The following EGF variants were observed in gnomAD, a reference collection of about 807,000 sequenced individuals.
EGF encodes the protein epidermal growth factor.
EGF carries 95 observed loss-of-function variants against 143.8 expected under a neutral mutation model. That is an observed-to-expected ratio of 0.66 (90% CI 0.56 to 0.78). The LOEUF is 0.78. Among genes scored for constraint, EGF ranks in the 30% least tolerant of loss-of-function variants. The pLI, the probability that EGF is intolerant of heterozygous loss-of-function variation, is 0.00. For missense variants in EGF, 1,320 were observed against 1,470.9 expected (o/e 0.90, Z 1.68); for synonymous variants, 510 against 510.5 (o/e 1.00, Z 0.01).
At position 109,943,450 on chromosome 4, in the gene EGF, A is replaced by C; in HGVS notation, c.509+15A>C. 1 of 1,608,446 alleles carries C rather than the reference A, an allele frequency of 6.2e-7. No homozygotes were observed. Among genetic ancestry groups the C allele is most frequent in the Non-Finnish European group, 8.5e-7 (1 of 1,175,222 alleles). On this transcript the variant is annotated intron_variant, in intron 3 of 23. Transcript: ENST00000265171. ...CCAGTAGAAAGGTAAATTCTGCTGT[A>C]TTCAGACATTGAAATATATTTACAA...
At chr4:109,989,260 T>C (rs1210170275) in intron 18 of EGF, among the ~76,000 whole-genome samples, 1 of 152,218 alleles carries the variant, frequency 6.6e-6, no homozygotes, top group Non-Finnish European at 1.5e-5. Flanking sequence ...ATCCCCGTCC[T>C]CTGGCAAGGT....
chr4:109,928,214 G>T (rs533948150), intron 1 of EGF, among the ~76,000 whole-genome samples: 1 of 152,232 alleles, frequency 6.6e-6, no homozygotes, highest in South Asian at 2.1e-4. Flanking sequence ...TCAACAAAGG[G>T]TGTTGGACCA....
At position 109,980,852 on chromosome 4, in the gene EGF, G is replaced by T; in HGVS notation, c.2248G>T (p.Gly750Ter). 1 of 1,613,998 alleles carries T rather than the reference G, an allele frequency of 6.2e-7. No homozygotes were observed. The highest frequency in any genetic ancestry group is 8.5e-7 in the Non-Finnish European group (1 of 1,179,950). Residue 750 changes from glycine (G) to a stop codon, truncating the protein, a stop_gained, in exon 15 of 24, where the codon GGA becomes TGA. Coordinates refer to ENST00000265171, the MANE Select transcript of EGF (RefSeq NM_001963.6). LOFTEE classifies it high-confidence loss of function. ...AGCAGATCCCTGCTTATATCAAAACGGAGGCTGTGAACATATTTGCAAAAA... is the reference window on the plus strand; with the variant it reads ...AGCAGATCCCTGCTTATATCAAAACTGAGGCTGTGAACATATTTGCAAAAA... Reference protein sequence around the residue: ...PGADPCLYQNGGCEHICKKRL... With the variant: ...PGADPCLYQN
chr4:109,991,158 G>A (rs1750876296), intron 18 of EGF, among the ~76,000 whole-genome samples: 1 of 152,112 alleles, frequency 6.6e-6, no homozygotes, highest in South Asian at 2.1e-4. Context: ...TGAAACAGGT[G>A]AAATGAATTT....
At chr4:109,964,845 G>A (rs968588432) in intron 10 of EGF, among the ~76,000 whole-genome samples, 1 of 152,154 alleles carries the variant, frequency 6.6e-6, no homozygotes, top group African/African-American at 2.4e-5. Flanking sequence ...ACAGTGTCAT[G>A]CATATAGAAG....
intron 9 of EGF, 128 bp from the exon 10 acceptor site, chr4:109,964,273 A>T (rs2126066886): frequency 1.5e-6 from 2 of 1,324,684 alleles, no homozygotes; most frequent in Non-Finnish European, 2.1e-6. Flanking sequence ...ACCACACTAG[A>T]GGGAAATTAA....
intron 5 of EGF, 152 bp downstream of exon 5, chr4:109,945,427 C>T (rs1742682845): frequency 2.8e-6 from 2 of 721,326 alleles, no homozygotes; most frequent in South Asian, 3.1e-5. Flanking sequence ...TAAGAAAAGA[C>T]AGATTAACAA....
At chr4:109,973,823 A>G (rs985027379) in intron 11 of EGF, among the ~76,000 whole-genome samples, 1 of 152,208 alleles carries the variant, frequency 6.6e-6, no homozygotes. Context: ...TTGTTTGACA[A>G]ATAAATAGAA....
At chr4:109,970,824 CAAAAAAAAAAAA>C (rs371512157) in intron 11 of EGF, among the ~76,000 whole-genome samples, 8 of 72,974 alleles carry the variant, frequency 1.1e-4, no homozygotes, top group Non-Finnish European at 1.8e-4. Context: ...GACTCCGTCT[CAAAAAAAAAAAA>C]AAAAAAAAAA....
chr4:109,923,073 A>G (rs1373544455), intron 1 of EGF, among the ~76,000 whole-genome samples: 1 of 151,562 alleles, frequency 6.6e-6, no homozygotes, highest in East Asian at 1.9e-4. Flanking sequence ...CCTTTTTATT[A>G]TCCTAACATG....
chr4:109,938,832 G>C (rs1395250945), intron 1 of EGF, among the ~76,000 whole-genome samples: 1 of 152,124 alleles, frequency 6.6e-6, no homozygotes, highest in East Asian at 1.9e-4. Context: ...TGTTTGCCTG[G>C]GTATCACCAG....
rs770409286 is a variant in EGF at position 109,993,255 on chromosome 4, G to A, written c.2743G>A (p.Glu915Lys). Residue 915 changes from glutamate to lysine, a missense_variant, in exon 19 of 24, where the codon GAG (glutamate) becomes AAG (lysine). Transcript: ENST00000265171. ...TCTGTCTTTTCTGACAGATATTGAT[G>A]AGTGCCAACTGGGGGAGCACAGCTG... ...GDGIHCLDID[E>K]CQLGEHSCGE... 6.2e-7 allele frequency: 1 copy of A among 1,613,750 alleles called. No individual in the cohort carries two copies. The highest frequency in any genetic ancestry group is 8.5e-7 in the Non-Finnish European group (1 of 1,179,900).
At chr4:109,966,720 T>C (rs1746662314) in intron 10 of EGF, among the ~76,000 whole-genome samples, 2 of 152,306 alleles carry the variant, frequency 1.3e-5, no homozygotes, top group East Asian at 3.9e-4. Context: ...TTTAACTTTT[T>C]AATAATAGTC....
At chr4:109,929,106 T>A (rs902810432) in intron 1 of EGF, among the ~76,000 whole-genome samples, 2 of 152,188 alleles carry the variant, frequency 1.3e-5, no homozygotes, top group Non-Finnish European at 2.9e-5. Flanking sequence ...ATGGTGAATA[T>A]GCCTAGAACA....
intron 6 of EGF, 22 bp from the exon 7 acceptor site, chr4:109,960,845 T>C: frequency 6.2e-7 from 1 of 1,613,646 alleles, no homozygotes; most frequent in South Asian, 1.1e-5. Flanking sequence ...TTTGAATGTA[T>C]TGTGCTGTTG....
intron 6 of EGF, among the ~76,000 whole-genome samples, chr4:109,960,090 A>G (rs2126055225): frequency 6.6e-6 from 1 of 152,266 alleles, no homozygotes; most frequent in South Asian, 2.1e-4. Context: ...CTTACATGGG[A>G]CCAATGGGTG....
chr4:109,949,537 A>C (rs1005496673), intron 5 of EGF, among the ~76,000 whole-genome samples: 1 of 152,114 alleles, frequency 6.6e-6, no homozygotes, highest in Non-Finnish European at 1.5e-5. Context: ...TAAAGGTGAC[A>C]CAACCCATGT....
At chr4:109,960,158 T>G (rs553635119) in intron 6 of EGF, among the ~76,000 whole-genome samples, 2 of 152,300 alleles carry the variant, frequency 1.3e-5, no homozygotes, top group East Asian at 3.9e-4. Context: ...AGAATAAAAC[T>G]GCTGGAGAAG....
intron 6 of EGF, among the ~76,000 whole-genome samples, chr4:109,959,677 C>T (rs1745379939): frequency 6.6e-6 from 1 of 152,140 alleles, no homozygotes; most frequent in African/African-American, 2.4e-5. Flanking sequence ...CTAGATCAAA[C>T]ACTGAGAGGA....
Sources: allele counts gnomAD v4.1 joint callset (sites outside exome capture counted in the v4.1 genomes callset), GRCh38; gene constraint gnomAD v4.1.1; transcripts MANE v1.5; gene names NCBI Gene and HGNC (gene_info 2026-07-23, HGNC 2026-07-21).